The following SEMA6D variants were observed in gnomAD, a reference collection of about 807,000 sequenced individuals.
SEMA6D encodes the protein semaphorin 6D.
In SEMA6D, 35 loss-of-function variants were observed where a neutral mutation model predicts 106.6. That is an observed-to-expected ratio of 0.33 (90% CI 0.25 to 0.44). The LOEUF (loss-of-function observed/expected upper bound fraction) is 0.44, where lower values mean the gene tolerates loss of function less well. Ranked by LOEUF, SEMA6D falls within the 20% of genes least tolerant of loss-of-function variation. The probability of loss-of-function intolerance (pLI) is 1.00; values close to 1 mark genes in which losing one functional copy is unlikely to be tolerated. For synonymous variants in SEMA6D, 499 were observed against 487.7 expected (o/e 1.02, Z -0.31); for missense variants, 1,185 against 1,345.9 (o/e 0.88, Z 1.87).
At chr15:47,271,736 G>C (rs2034570606) in intron 1 of SEMA6D, among the ~76,000 whole-genome samples, 1 of 152,248 alleles carries the variant, frequency 6.6e-6, no homozygotes, top group African/African-American at 2.4e-5. Flanking sequence ...AACTGAAAAA[G>C]AGAAAATATT....
intron 1 of SEMA6D, among the ~76,000 whole-genome samples, chr15:47,396,052 C>G (rs1308454596): frequency 6.6e-6 from 1 of 152,110 alleles, no homozygotes; most frequent in Non-Finnish European, 1.5e-5. Context: ...CCAGCAAACA[C>G]CAGAGCTTTT....
chr15:47,601,025 T>A (rs2076643444), intron 4 of SEMA6D: 1 of 152,088 alleles, frequency 6.6e-6, no homozygotes, highest in Admixed American at 6.6e-5. Context: ...TTACTGGTGA[T>A]GTTAGTGATT....
chr15:47,669,541 A>G (rs944013115), intron 4 of SEMA6D, among the ~76,000 whole-genome samples: 6 of 152,188 alleles, frequency 3.9e-5, no homozygotes, highest in Non-Finnish European at 7.3e-5. Context: ...TTGACAATCC[A>G]TAGAGACTTC....
At chr15:47,341,576 T>C (rs1363491143) in intron 1 of SEMA6D, among the ~76,000 whole-genome samples, 2 of 152,328 alleles carry the variant, frequency 1.3e-5, no homozygotes, top group Middle Eastern at 3.4e-3. Flanking sequence ...AATATAGGGA[T>C]AATTATAATT....
At position 47,315,737 on chromosome 15, in the gene SEMA6D, C is replaced by G. The variant is rs555496051; in HGVS notation, c.-238-96656C>G. On this transcript the variant is annotated intron_variant, in intron 1 of 19. Transcript: ENST00000558014. The stretch of plus-strand genomic sequence containing the variant: ...AGTCTTTCTGTCCTTGAATATTTCT[C>G]TATTCATTTAGTTCTTTTTTGACTT... Among the ~76,000 whole-genome samples, 6 of 152,196 alleles carry G rather than the reference C, an allele frequency of 3.9e-5. No homozygotes were observed. The South Asian group carries it at 1.0e-3, about 26-fold the overall frequency.
intron 12 of SEMA6D, 44 bp downstream of exon 12, chr15:47,764,837 C>T (rs750542347): frequency 1.2e-6 from 2 of 1,613,386 alleles, no homozygotes; most frequent in Non-Finnish European, 1.7e-6. Flanking sequence ...AACGTTTTCT[C>T]TGCCCGTTGG....
chr15:47,224,218 G>C (rs2141415468), intron 1 of SEMA6D, among the ~76,000 whole-genome samples: 1 of 151,186 alleles, frequency 6.6e-6, no homozygotes, highest in Non-Finnish European at 1.5e-5. Flanking sequence ...AATACTATTT[G>C]CTATTAAATT....
At chr15:47,358,742 C>T (rs749946353) in intron 1 of SEMA6D, among the ~76,000 whole-genome samples, 9 of 152,174 alleles carry the variant, frequency 5.9e-5, no homozygotes, top group South Asian at 2.1e-4. Flanking sequence ...TCAGTGCCAG[C>T]GGAAAGCTCT....
rs568564686 is a variant in SEMA6D, at chr15:47,433,070, A to C, written c.-159+20598A>C. Reference sequence around the variant, plus strand: ...AGGCTTTGTGGCAGACAGTGTGCTAAGTGCTGATAAATAGTGGTATATTCC... The same window carrying C: ...AGGCTTTGTGGCAGACAGTGTGCTACGTGCTGATAAATAGTGGTATATTCC... On this transcript the variant is annotated intron_variant, in intron 2 of 19. Coordinates refer to the SEMA6D transcript ENST00000558014. Among the ~76,000 whole-genome samples, 92 of 152,204 alleles carry C rather than the reference A, an allele frequency of 6.0e-4. 2 individuals carry two copies. Among genetic ancestry groups the C allele is most frequent in the Admixed American group, 1.5e-3 (23 of 15,266 alleles).
chr15:47,648,880 T>C (rs988513726), intron 4 of SEMA6D, among the ~76,000 whole-genome samples: 4 of 152,374 alleles, frequency 2.6e-5, no homozygotes, highest in Non-Finnish European at 4.4e-5. Flanking sequence ...AATTAGCTTA[T>C]GGTAAAACTA....
chr15:47,199,914 T>C (rs866009496), intron 1 of SEMA6D, among the ~76,000 whole-genome samples: 2 of 152,136 alleles, frequency 1.3e-5, no homozygotes, highest in African/African-American at 2.4e-5. Context: ...CATTTAGTTC[T>C]CATTATGAAA....
intron 1 of SEMA6D, among the ~76,000 whole-genome samples, chr15:47,228,142 A>ACT (rs1234222579): frequency 9.1e-6 from 1 of 109,382 alleles, no homozygotes; most frequent in Non-Finnish European, 1.8e-5. Context: ...GTGTGTACAC[A>ACT]CACACACACA....
chr15:47,505,230 G>C (rs2044001652), intron 3 of SEMA6D, among the ~76,000 whole-genome samples: 1 of 152,158 alleles, frequency 6.6e-6, no homozygotes, highest in African/African-American at 2.4e-5. Flanking sequence ...GGAGAAATGG[G>C]CTCTCTCCTT....
At chr15:47,472,027 G>T (rs1332465728) in intron 3 of SEMA6D, among the ~76,000 whole-genome samples, 2 of 151,586 alleles carry the variant, frequency 1.3e-5, no homozygotes, top group African/African-American at 4.9e-5. Flanking sequence ...GGAGAGAAAA[G>T]AGAATAGATA....
chr15:47,620,036 A>G (rs1047549861), intron 4 of SEMA6D, among the ~76,000 whole-genome samples: 1 of 152,160 alleles, frequency 6.6e-6, no homozygotes, highest in South Asian at 2.1e-4. Flanking sequence ...TTGCGGTGAC[A>G]GTGGAACCAG....
intron 1 of SEMA6D, among the ~76,000 whole-genome samples, chr15:47,725,192 C>T (rs1187114297): frequency 1.3e-5 from 2 of 152,160 alleles, no homozygotes; most frequent in Admixed American, 6.5e-5. Flanking sequence ...ACTCTAGGTG[C>T]TGCTTAGACT....
At chr15:47,385,852 T>C (rs1480269057) in intron 1 of SEMA6D, among the ~76,000 whole-genome samples, 5 of 152,226 alleles carry the variant, frequency 3.3e-5, no homozygotes, top group African/African-American at 9.6e-5. Flanking sequence ...CTAGCACTTA[T>C]TATGTTAGCA....
At chr15:47,568,864 G>T (rs1199609726) in intron 3 of SEMA6D, among the ~76,000 whole-genome samples, 1 of 152,012 alleles carries the variant, frequency 6.6e-6, no homozygotes, top group Non-Finnish European at 1.5e-5. Flanking sequence ...CTATAGAGCA[G>T]TATGTTATTA....
intron 4 of SEMA6D, among the ~76,000 whole-genome samples, chr15:47,693,118 T>C (rs1013955469): frequency 1.3e-5 from 2 of 152,146 alleles, no homozygotes; most frequent in Admixed American, 6.5e-5. Flanking sequence ...GTAATCAAGT[T>C]AAAATGAGGT....
Sources: allele counts gnomAD v4.1 joint callset (sites outside exome capture counted in the v4.1 genomes callset), GRCh38; gene constraint gnomAD v4.1.1; transcripts MANE v1.5; gene names NCBI Gene and HGNC (gene_info 2026-07-23, HGNC 2026-07-21).